Variants in CPEB1 observed in about 807,000 individuals in gnomAD.
CPEB1 encodes the protein cytoplasmic polyadenylation element binding protein 1.
In CPEB1, 7 loss-of-function variants were observed where a neutral mutation model predicts 65.8. The ratio of observed to expected loss-of-function variants is 0.11; its 90% CI spans 0.06 to 0.20. The LOEUF (loss-of-function observed/expected upper bound fraction) is 0.20. Ranked by LOEUF, CPEB1 falls within the 10% of genes least tolerant of loss-of-function variation. The pLI is 1.00. For synonymous variants in CPEB1, 262 were observed against 260.0 expected (o/e 1.01, Z -0.08); for missense variants, 551 against 712.2 (o/e 0.77, Z 2.58).
intron 4 of CPEB1, among the ~76,000 whole-genome samples, chr15:82,567,591 G>A (rs571844092): frequency 4.0e-5 from 6 of 151,450 alleles, no homozygotes; most frequent in South Asian, 2.1e-4. Context: ...AGCCAAGATC[G>A]CACCACTGTA....
intron 1 of CPEB1, chr15:82,640,663 T>C (rs1199359540): frequency 6.6e-6 from 1 of 152,176 alleles, no homozygotes; most frequent in East Asian, 1.9e-4. Flanking sequence ...ATACCTCAGA[T>C]AGATACACGC....
chr15:82,635,513 A>T (rs2046585720), intron 1 of CPEB1, among the ~76,000 whole-genome samples: 1 of 152,200 alleles, frequency 6.6e-6, no homozygotes, highest in African/African-American at 2.4e-5. Flanking sequence ...TCAGGAATAA[A>T]AATTTATCAG....
intron 3 of CPEB1, among the ~76,000 whole-genome samples, chr15:82,574,722 CAAAAAAAAAAAAA>C (rs534968367): frequency 3.0e-4 from 16 of 53,506 alleles, no homozygotes; most frequent in African/African-American, 7.3e-4. Context: ...GACTCGGTCT[CAAAAAAAAAAAAA>C]AAAAAAAAAA....
chr15:82,610,166 AACAG>A (rs1222826645), intron 3 of CPEB1, among the ~76,000 whole-genome samples: 2 of 152,316 alleles, frequency 1.3e-5, no homozygotes, highest in East Asian at 1.9e-4. Flanking sequence ...AACTCAAAGA[AACAG>A]ACAATCTGCA....
upstream of CPEB1, chr15:82,648,407 T>A (rs2047751567): frequency 6.6e-6 from 1 of 152,490 alleles, no homozygotes; most frequent in Non-Finnish European, 1.5e-5. Context: ...TGGTCGGAAC[T>A]GTAGCCCCTG....
chr15:82,630,592 C>G (rs2151331690), intron 1 of CPEB1, among the ~76,000 whole-genome samples: 1 of 151,792 alleles, frequency 6.6e-6, no homozygotes, highest in East Asian at 1.9e-4. Flanking sequence ...GGTGACAGAG[C>G]AAGACCCTGT....
chr15:82,615,207 A>C (rs1343251833), intron 3 of CPEB1, among the ~76,000 whole-genome samples: 1 of 152,150 alleles, frequency 6.6e-6, no homozygotes, highest in Non-Finnish European at 1.5e-5. Context: ...TGTTTTTTCA[A>C]AACTGTACCC....
At chr15:82,596,733 T>A (rs1270692705) in intron 3 of CPEB1, among the ~76,000 whole-genome samples, 2 of 151,244 alleles carry the variant, frequency 1.3e-5, no homozygotes, top group Admixed American at 1.3e-4. Flanking sequence ...ATTACAGTAT[T>A]ATTTATAGCA....
At chr15:82,578,263 G>T (rs747030768) in intron 3 of CPEB1, among the ~76,000 whole-genome samples, 1 of 152,166 alleles carries the variant, frequency 6.6e-6, no homozygotes, top group Admixed American at 6.5e-5. Flanking sequence ...CTGGTTTTCC[G>T]TTCTTTCTTT....
intron 3 of CPEB1, among the ~76,000 whole-genome samples, chr15:82,621,150 G>A (rs1406695229): frequency 6.6e-6 from 1 of 152,180 alleles, no homozygotes; most frequent in Non-Finnish European, 1.5e-5. Context: ...AGACAATTTA[G>A]TGACGATACG....
intron 4 of CPEB1, among the ~76,000 whole-genome samples, chr15:82,567,635 C>CA (rs562699626): frequency 0.024 from 3,372 of 140,822 alleles, 42 homozygotes; most frequent in East Asian, 0.032. Flanking sequence ...GACTCCATCT[C>CA]AAAAAAAAAA....
intron 4 of CPEB1, among the ~76,000 whole-genome samples, chr15:82,564,886 G>A (rs1480604349): frequency 1.3e-5 from 2 of 152,072 alleles, no homozygotes; most frequent in Admixed American, 6.6e-5. Context: ...AAGTACAGGA[G>A]CAAGAAAGAG....
chr15:82,555,592 C>T (rs1382453519), intron 6 of CPEB1, among the ~76,000 whole-genome samples: 4 of 152,228 alleles, frequency 2.6e-5, no homozygotes, highest in Non-Finnish European at 5.9e-5. Context: ...CCAGTCTCCA[C>T]GGAACGGCAC....
rs964321253 is a variant in CPEB1, at chr15:82,633,498, G to A, written c.-97-4942C>T. On this transcript the variant is annotated intron_variant, in intron 1 of 12. Transcript: ENST00000684509. ...AGTGATTCTCCTGCCTCAGCCTCCC[G>A]AGTAGCTGGGATTACAGGCATGTGC... Among the ~76,000 whole-genome samples, 8 of 152,020 alleles carry A rather than the reference G, an allele frequency of 5.3e-5. No individual in the cohort carries two copies. In the South Asian group the frequency reaches 6.2e-4, roughly 12 times the overall value.
chr15:82,630,815 A>G (rs969475147), intron 1 of CPEB1, among the ~76,000 whole-genome samples: 1 of 152,208 alleles, frequency 6.6e-6, no homozygotes, highest in Non-Finnish European at 1.5e-5. Flanking sequence ...GTACAGCATT[A>G]GGTATAGGAG....
chr15:82,567,157 C>T (rs2039267239), intron 4 of CPEB1, among the ~76,000 whole-genome samples: 1 of 152,126 alleles, frequency 6.6e-6, no homozygotes, highest in Non-Finnish European at 1.5e-5. Flanking sequence ...AGTCCATGTT[C>T]CACATAAGAG....
intron 1 of CPEB1, among the ~76,000 whole-genome samples, chr15:82,631,357 TC>T (rs1346084479): frequency 6.6e-6 from 1 of 151,992 alleles, no homozygotes; most frequent in East Asian, 1.9e-4. Flanking sequence ...AATGAGGTGT[TC>T]AATGTATATT....
intron 4 of CPEB1, among the ~76,000 whole-genome samples, 180 bp downstream of exon 4, chr15:82,571,164 G>A (rs1038017507): frequency 2.0e-5 from 3 of 152,172 alleles, no homozygotes; most frequent in African/African-American, 7.2e-5. Context: ...TTTACGTGGA[G>A]CCATCTGTCC....
intron 3 of CPEB1, among the ~76,000 whole-genome samples, chr15:82,572,596 G>C (rs546827943): frequency 6.6e-6 from 1 of 152,154 alleles, no homozygotes; most frequent in Non-Finnish European, 1.5e-5. Context: ...CACAGACTGA[G>C]GAAACACTCT....
Sources: allele counts gnomAD v4.1 joint callset (sites outside exome capture counted in the v4.1 genomes callset), GRCh38; gene constraint gnomAD v4.1.1; transcripts MANE v1.5; gene names NCBI Gene and HGNC (gene_info 2026-07-23, HGNC 2026-07-21).